Variants in GPC5 observed in about 807,000 individuals in gnomAD.
GPC5 encodes the protein glypican 5, also known as glypican-5.
A neutral mutation model predicts 53.9 loss-of-function variants in GPC5; 47 were observed. The ratio of observed to expected loss-of-function variants is 0.87; its 90% CI spans 0.69 to 1.11. The LOEUF (loss-of-function observed/expected upper bound fraction) is 1.11. Among genes scored for constraint, GPC5 ranks in the 50% most tolerant of loss-of-function variants. GPC5 has a pLI of 0.00. For missense variants in GPC5, 748 were observed against 713.1 expected, an observed-to-expected ratio of 1.05 and a Z score of -0.56; for synonymous variants, 286 against 263.3, an observed-to-expected ratio of 1.09 and a Z score of -0.84.
chr13:92,844,410 A>G (rs182630956), intron 7 of GPC5, among the ~76,000 whole-genome samples: 218 of 152,308 alleles, frequency 1.4e-3, no homozygotes, highest in African/African-American at 5.0e-3. Context: ...ACAGAATGTG[A>G]GAGTACTTAG....
intron 7 of GPC5, among the ~76,000 whole-genome samples, chr13:92,205,935 G>A (rs2042330977): frequency 6.6e-6 from 1 of 150,378 alleles, no homozygotes; most frequent in Non-Finnish European, 1.5e-5. Context: ...TCAGCTAATC[G>A]GGAAGCTGAG....
intron 7 of GPC5, among the ~76,000 whole-genome samples, chr13:92,223,691 A>T (rs915210790): frequency 3.9e-5 from 6 of 152,044 alleles, no homozygotes; most frequent in Non-Finnish European, 7.4e-5. Flanking sequence ...AAAAATTGGG[A>T]TAAAAGGATA....
At chr13:91,860,153 A>G (rs2039010461) in intron 5 of GPC5, among the ~76,000 whole-genome samples, 2 of 152,294 alleles carry the variant, frequency 1.3e-5, no homozygotes, top group South Asian at 2.1e-4. Flanking sequence ...AGTATAGAGC[A>G]TTAGAACTTA....
chr13:92,341,548 T>A (rs1258431427), intron 7 of GPC5, among the ~76,000 whole-genome samples: 1 of 152,138 alleles, frequency 6.6e-6, no homozygotes, highest in Non-Finnish European at 1.5e-5. Context: ...AAATGTAAAT[T>A]TTCTTCAAAA....
chr13:91,490,337 G>C (rs1391442302), intron 2 of GPC5, among the ~76,000 whole-genome samples: 1 of 152,130 alleles, frequency 6.6e-6, no homozygotes, highest in Non-Finnish European at 1.5e-5. Context: ...AAAAACAAGA[G>C]TGCCACAGAG....
chr13:91,914,612 A>G (rs1364560218), intron 6 of GPC5, among the ~76,000 whole-genome samples: 5 of 111,368 alleles, frequency 4.5e-5, no homozygotes, highest in Non-Finnish European at 7.9e-5. Context: ...CTCTGATTTT[A>G]GTAGAAAAAG....
At chr13:92,166,948 TCTCTCTCTCA>T (rs1373002762) in intron 7 of GPC5, among the ~76,000 whole-genome samples, 68 of 57,292 alleles carry the variant, frequency 1.2e-3, no homozygotes, top group African/African-American at 2.6e-3. Flanking sequence ...TCTCTCTCTC[TCTCTCTCTCA>T]CACACACACA....
chr13:92,813,957 C>T (rs762041202), intron 7 of GPC5, among the ~76,000 whole-genome samples: 14 of 151,818 alleles, frequency 9.2e-5, no homozygotes, highest in Non-Finnish European at 2.1e-4. Flanking sequence ...AAATAATTCG[C>T]TTGGAGAAGT....
At position 92,639,632 on chromosome 13, in the gene GPC5, G is replaced by A. The variant is rs1289438429; in HGVS notation, c.1562-226650G>A. On this transcript the variant is annotated intron_variant, in intron 7 of 7. Transcript: ENST00000377067. ...CTCATTTTTCTTTTAGGTGGTCTGG[G>A]CATTCTTAAACCATTTATTCAAACA... Among the ~76,000 whole-genome samples, 7 of 152,240 alleles carry A rather than the reference G, an allele frequency of 4.6e-5. No individual in the cohort carries two copies. In the South Asian group the frequency reaches 1.0e-3, roughly 23 times the overall value.
intron 7 of GPC5, among the ~76,000 whole-genome samples, chr13:92,438,312 G>A (rs1399927415): frequency 2.6e-5 from 4 of 151,508 alleles, no homozygotes; most frequent in Non-Finnish European, 4.4e-5. Flanking sequence ...TGTCCTGGAG[G>A]TAGCATCAGC....
intron 1 of GPC5, among the ~76,000 whole-genome samples, chr13:91,419,853 T>G (rs3848050): frequency 0.67 from 101,418 of 152,026 alleles, 34,471 homozygotes; most frequent in African/African-American, 0.79. Context: ...TACCTAGTTG[T>G]TTGCTGCTTA....
chr13:91,640,982 A>T (rs2034412932), intron 2 of GPC5, among the ~76,000 whole-genome samples: 1 of 152,142 alleles, frequency 6.6e-6, no homozygotes, highest in South Asian at 2.1e-4. Context: ...TTGCAGGGAC[A>T]TGGATAGAGC....
At chr13:92,818,417 A>C (rs1174217321) in intron 7 of GPC5, among the ~76,000 whole-genome samples, 1 of 152,032 alleles carries the variant, frequency 6.6e-6, no homozygotes, top group African/African-American at 2.4e-5. Context: ...CCTTTAATCT[A>C]AGTAAAAAGA....
rs367833969 is a variant in GPC5, at chr13:92,438,310, A to G, written c.1561+293321A>G. On this transcript the variant is annotated intron_variant, in intron 7 of 7. Coordinates refer to ENST00000377067, the MANE Select transcript of GPC5 (RefSeq NM_004466.6). ...AAATCACACGTAAGCTGTGTCCTGG[A>G]GGTAGCATCAGCATTTATCCAGTAA... Among the ~76,000 whole-genome samples the G allele has an allele frequency of 1.3e-4, 19 of 151,874 alleles. No homozygotes were observed. The East Asian group carries it at 3.3e-3, about 26-fold the overall frequency.
intron 7 of GPC5, among the ~76,000 whole-genome samples, chr13:92,527,153 A>AGAAAGAAAG (rs1881333116): frequency 7.9e-6 from 1 of 125,792 alleles, no homozygotes; most frequent in African/African-American, 3.0e-5. Context: ...AGAAAGAAAG[A>AGAAAGAAAG]AAGAAAGAAA....
chr13:92,772,899 T>A (rs549458337), intron 7 of GPC5, among the ~76,000 whole-genome samples: 1 of 152,248 alleles, frequency 6.6e-6, no homozygotes, highest in East Asian at 1.9e-4. Context: ...CATACAATAT[T>A]TTATTTATTA....
intron 5 of GPC5, among the ~76,000 whole-genome samples, chr13:91,902,796 G>A (rs145385060): frequency 6.6e-6 from 1 of 152,116 alleles, no homozygotes; most frequent in African/African-American, 2.4e-5. Flanking sequence ...CTTCAGGGAA[G>A]TGAGGTTTTA....
chr13:92,064,824 C>T (rs2041155323), intron 6 of GPC5, among the ~76,000 whole-genome samples: 1 of 150,792 alleles, frequency 6.6e-6, no homozygotes, highest in Non-Finnish European at 1.5e-5. Context: ...ATAAATGATG[C>T]ATACTACTCA....
At chr13:91,503,930 G>T (rs1360924775) in intron 2 of GPC5, among the ~76,000 whole-genome samples, 1 of 151,352 alleles carries the variant, frequency 6.6e-6, no homozygotes, top group Non-Finnish European at 1.5e-5. Context: ...CAGTAATATT[G>T]ATGTAAAAAT....
Sources: allele counts gnomAD v4.1 joint callset (sites outside exome capture counted in the v4.1 genomes callset), GRCh38; gene constraint gnomAD v4.1.1; transcripts MANE v1.5; gene names NCBI Gene and HGNC (gene_info 2026-07-23, HGNC 2026-07-21).